Variants in LDLRAD3 observed in about 807,000 individuals in gnomAD.
LDLRAD3 encodes the protein low-density lipoprotein receptor class A domain-containing protein 3.
LDLRAD3 carries 20 observed loss-of-function variants against 29.4 expected under a neutral mutation model. That is an observed-to-expected ratio of 0.68 (90% CI 0.48 to 0.99). The LOEUF (loss-of-function observed/expected upper bound fraction) is 0.99, where lower values mean the gene tolerates loss of function less well. Among genes scored for constraint, LDLRAD3 ranks in the 50% least tolerant of loss-of-function variants. LDLRAD3 has a pLI of 0.00. For missense variants in LDLRAD3, 420 were observed against 454.3 expected (o/e 0.92, Z 0.69); for synonymous variants, 157 against 192.7 (o/e 0.81, Z 1.53).
intron 2 of LDLRAD3, among the ~76,000 whole-genome samples, chr11:36,044,127 C>T (rs1368039214): frequency 6.6e-6 from 1 of 152,110 alleles, no homozygotes; most frequent in Non-Finnish European, 1.5e-5. Context: ...TGAGTTCTTC[C>T]CCCAGCTTCC....
chr11:35,976,572 T>G (rs1450786886), intron 1 of LDLRAD3, among the ~76,000 whole-genome samples: 3 of 152,184 alleles, frequency 2.0e-5, no homozygotes, highest in Non-Finnish European at 4.4e-5. Flanking sequence ...ATTTCCTGTG[T>G]ACCCTCATTT....
At chr11:36,200,912 C>A (rs1590351430) in intron 4 of LDLRAD3, among the ~76,000 whole-genome samples, 1 of 152,288 alleles carries the variant, frequency 6.6e-6, no homozygotes, top group Non-Finnish European at 1.5e-5. Flanking sequence ...TGATCAATGT[C>A]TCCTTCCTGG....
intron 4 of LDLRAD3, among the ~76,000 whole-genome samples, chr11:36,098,705 C>G (rs556497448): frequency 6.6e-6 from 1 of 152,326 alleles, no homozygotes; most frequent in Non-Finnish European, 1.5e-5. Context: ...CATTTCTCTT[C>G]AAAACTGTAA....
At chr11:36,053,901 A>G (rs1257958410) in intron 2 of LDLRAD3, among the ~76,000 whole-genome samples, 1 of 151,354 alleles carries the variant, frequency 6.6e-6, no homozygotes, top group Non-Finnish European at 1.5e-5. Flanking sequence ...GCAGTTAGCT[A>G]TGCCCACAGA....
chr11:36,133,354 CTTTCT>C (rs72293435), intron 4 of LDLRAD3, among the ~76,000 whole-genome samples: 21,738 of 129,802 alleles, frequency 0.17, 1,905 homozygotes, highest in Admixed American at 0.29. Context: ...TTTTCTTTTC[CTTTCT>C]TTTCTTTTCT....
chr11:36,038,177 T>C (rs1377086740), intron 2 of LDLRAD3, among the ~76,000 whole-genome samples: 7 of 152,234 alleles, frequency 4.6e-5, no homozygotes, highest in Admixed American at 3.3e-4. Flanking sequence ...GGATTACAGA[T>C]TACAGATGTG....
At chr11:36,090,681 T>C (rs1853267231) in intron 3 of LDLRAD3, among the ~76,000 whole-genome samples, 1 of 152,150 alleles carries the variant, frequency 6.6e-6, no homozygotes, top group Non-Finnish European at 1.5e-5. Context: ...ATTAAAATCC[T>C]CGAGTCCTTA....
In LDLRAD3 at chr11:36,166,349, C is replaced by A. The variant is rs78455269; in HGVS notation, c.455-60736C>A. On this transcript the variant is annotated intron_variant, in intron 4 of 5. Coordinates refer to ENST00000315571, the MANE Select transcript of LDLRAD3 (RefSeq NM_174902.4). Reference sequence around the variant, plus strand: ...TCACCAGGTAATCACATCGGCATGGCAGTGCCTCTCAGTGAGACATGGAAG... The same window carrying A: ...TCACCAGGTAATCACATCGGCATGGAAGTGCCTCTCAGTGAGACATGGAAG... Among the ~76,000 whole-genome samples, 1,043 of 152,188 alleles carry A rather than the reference C, an allele frequency of 6.9e-3. 18 individuals are homozygous for A. The highest frequency in any genetic ancestry group is 0.024 in the African/African-American group (1,002 of 41,532).
At chr11:36,124,591 T>C (rs989690372) in intron 4 of LDLRAD3, among the ~76,000 whole-genome samples, 1 of 152,142 alleles carries the variant, frequency 6.6e-6, no homozygotes, top group Non-Finnish European at 1.5e-5. Context: ...CTGAACCCTT[T>C]ACCACAGACT....
At chr11:36,038,141 A>G (rs1418994098) in intron 2 of LDLRAD3, among the ~76,000 whole-genome samples, 4 of 151,940 alleles carry the variant, frequency 2.6e-5, no homozygotes, top group African/African-American at 4.8e-5. Flanking sequence ...TCAATAATCC[A>G]TCTACCTCCG....
At chr11:36,057,433 C>T (rs944433525) in intron 2 of LDLRAD3, among the ~76,000 whole-genome samples, 2 of 152,152 alleles carry the variant, frequency 1.3e-5, no homozygotes, top group African/African-American at 4.8e-5. Context: ...AGCTAGTGTC[C>T]CACTGGCTCT....
intron 4 of LDLRAD3, among the ~76,000 whole-genome samples, chr11:36,190,257 C>G (rs993089957): frequency 1.7e-4 from 26 of 152,298 alleles, no homozygotes; most frequent in African/African-American, 6.0e-4. Flanking sequence ...AGAAATTTAA[C>G]TTGAAAAAGT....
chr11:36,097,796 T>C (rs947686956), intron 3 of LDLRAD3, among the ~76,000 whole-genome samples: 1 of 151,784 alleles, frequency 6.6e-6, no homozygotes, highest in African/African-American at 2.4e-5. Context: ...TAGCAAAATT[T>C]CTCCTGTACC....
chr11:36,212,233 T>C (rs1172468566), intron 4 of LDLRAD3, among the ~76,000 whole-genome samples: 1 of 152,108 alleles, frequency 6.6e-6, no homozygotes, highest in Non-Finnish European at 1.5e-5. Context: ...TTTGGATGGG[T>C]AGAATGATTA....
chr11:36,075,303 G>GCCTTTTTCCTTAGCCTTTTTAT (rs57679288), intron 2 of LDLRAD3, among the ~76,000 whole-genome samples: 4 of 151,854 alleles, frequency 2.6e-5, no homozygotes, highest in Non-Finnish European at 5.9e-5. Context: ...CATTTCATAT[G>GCCTTTTTCCTTAGCCTTTTTAT]CCTTTCACTG....
At chr11:36,216,952 A>G (rs569985600) in intron 4 of LDLRAD3, among the ~76,000 whole-genome samples, 3 of 152,230 alleles carry the variant, frequency 2.0e-5, no homozygotes, top group Non-Finnish European at 4.4e-5. Context: ...GGATAGCGCA[A>G]TGGATTCTGA....
chr11:36,122,008 G>A (rs10836499), intron 4 of LDLRAD3, among the ~76,000 whole-genome samples: 68,437 of 151,898 alleles, frequency 0.45, 15,904 homozygotes, highest in Admixed American at 0.52. Flanking sequence ...TTACAGGAGG[G>A]GAAAGTGAGG....
chr11:36,123,756 G>A (rs1853794463), intron 4 of LDLRAD3, among the ~76,000 whole-genome samples: 1 of 152,208 alleles, frequency 6.6e-6, no homozygotes, highest in African/African-American at 2.4e-5. Flanking sequence ...CAGCCAGGCT[G>A]TGGCACAGTG....
chr11:36,200,481 A>G (rs1405544725), intron 4 of LDLRAD3, among the ~76,000 whole-genome samples: 1 of 152,150 alleles, frequency 6.6e-6, no homozygotes, highest in East Asian at 1.9e-4. Context: ...ATTGAGGGGG[A>G]TACATACATT....
Sources: gnomAD v4.1 joint callset for allele counts (sites outside exome capture counted in the v4.1 genomes callset) on GRCh38, gnomAD v4.1.1 for gene constraint, MANE v1.5 for transcripts, NCBI Gene and HGNC (gene_info 2026-07-23, HGNC 2026-07-21) for gene names.